ADGRF5: variants seen among roughly 807,000 people sequenced by gnomAD.
The protein encoded by ADGRF5 is G-protein coupled receptor 116.
In ADGRF5, 75 loss-of-function variants were observed where a neutral mutation model predicts 132.3. The observed-to-expected ratio is 0.57, with a 90% confidence interval of 0.47 to 0.69. The LOEUF is 0.69. ADGRF5 is among the 30% of genes least tolerant of loss of function. The pLI is 0.00. For synonymous variants in ADGRF5, 629 were observed against 597.6 expected, an observed-to-expected ratio of 1.05 and a Z score of -0.77; for missense variants, 1,516 against 1,630.6, an observed-to-expected ratio of 0.93 and a Z score of 1.21.
chr6:46,856,304 T>A (rs1769038517), intron 19 of ADGRF5, among the ~76,000 whole-genome samples: 1 of 152,238 alleles, frequency 6.6e-6, no homozygotes, highest in Non-Finnish European at 1.5e-5. Context: ...GTCAGATATA[T>A]CCAAGGGCAA....
At chr6:46,916,540 T>G (rs1051916830) in intron 1 of ADGRF5, among the ~76,000 whole-genome samples, 3 of 152,138 alleles carry the variant, frequency 2.0e-5, no homozygotes, top group African/African-American at 7.2e-5. Context: ...CTCACCACAC[T>G]TTTTTGGACA....
Position 46,858,789 on chromosome 6 carries a change from C to T in ADGRF5, c.3114G>A (p.Trp1038Ter), listed in dbSNP as rs758918856. Residue 1038 changes from tryptophan to a stop codon, truncating the protein, a stop_gained, in exon 17 of 21, where the codon TGG becomes TGA. Transcript: ENST00000283296. LOFTEE classifies it high-confidence loss of function. ...AAGTCCGGTTCTTGGTCACCGATTT[C>T]CACACCACAGCTTCCACAACTAGAC... ...AACLVVEAVV[W>*]KSVTKNRTSY... The T allele has an allele frequency of 6.2e-7, 1 of 1,614,132 alleles. No individual in the cohort carries two copies. Among genetic ancestry groups the T allele is most frequent in the East Asian group, 2.2e-5 (1 of 44,866 alleles).
intron 3 of ADGRF5, among the ~76,000 whole-genome samples, chr6:46,894,484 A>C (rs1381567632): frequency 2.0e-5 from 3 of 152,218 alleles, no homozygotes; most frequent in Non-Finnish European, 4.4e-5. Context: ...AAATCATCAA[A>C]GTTAGCCCCA....
chr6:46,896,650 T>C (rs1478914499), intron 3 of ADGRF5, among the ~76,000 whole-genome samples: 2 of 126,830 alleles, frequency 1.6e-5, no homozygotes, highest in African/African-American at 3.7e-5. Context: ...AAGTAATATG[T>C]GTGAGATATA....
At chr6:46,906,499 TCTC>T (rs962616086) in intron 2 of ADGRF5, among the ~76,000 whole-genome samples, 159 bp downstream of exon 2, 13 of 152,270 alleles carry the variant, frequency 8.5e-5, no homozygotes, top group African/African-American at 3.1e-4. Context: ...ATTCACCCCT[TCTC>T]CTCATTTGCA....
chr6:46,859,002 C>A lies in ADGRF5; in HGVS notation c.2901G>T (p.Gly967=), dbSNP rs577029319. ...WNFRLANNTG[G]WDSSGCYVEE... Reference sequence around the variant, plus strand: ...CTACATAGCACCCACTGCTGTCCCACCCCCCTGTGTTGTTGGCAAGCCTGA... The same window carrying A: ...CTACATAGCACCCACTGCTGTCCCAACCCCCTGTGTTGTTGGCAAGCCTGA... The change falls in exon 17 of 21, where the codon GGG becomes GGT. Residue 967 remains glycine, a synonymous_variant. Transcript: ENST00000283296. 3.7e-6 allele frequency: 6 copies of A among 1,612,062 alleles called. No individual in the cohort carries two copies. The South Asian group carries it at 5.5e-5, about 15-fold the overall frequency.
In ADGRF5 at chr6:46,858,964, C is replaced by G. The variant is rs781340908; in HGVS notation, c.2939G>C (p.Gly980Ala). 15 of 1,613,120 alleles carry G rather than the reference C, an allele frequency of 9.3e-6. No individual in the cohort carries two copies. The highest frequency in any genetic ancestry group is 1.3e-5 in the African/African-American group (1 of 74,884). The change falls in exon 17 of 21, where the codon GGG becomes GCG. Residue 980 changes from glycine (G) to alanine (A), a missense_variant. Transcript: ENST00000283296. ...GTCACAGATACAGGTGACATTGTCCCCATCACCTTCTTCTACATAGCACCC... is the reference window on the plus strand; with the variant it reads ...GTCACAGATACAGGTGACATTGTCCGCATCACCTTCTTCTACATAGCACCC... ...SSGCYVEEGDGDNVTCICDHL... is the reference protein window; with the variant it reads ...SSGCYVEEGDADNVTCICDHL...
chr6:46,926,638 C>A (rs1203435377), upstream of ADGRF5, among the ~76,000 whole-genome samples: 2 of 152,178 alleles, frequency 1.3e-5, no homozygotes, highest in African/African-American at 4.8e-5. Flanking sequence ...TTAGAGATGA[C>A]ATGCTGTCTA....
In ADGRF5 at chr6:46,870,905, G is replaced by A. The variant is rs1173925861; in HGVS notation, c.1411+938C>T. On this transcript the variant is annotated intron_variant, in intron 11 of 20. Coordinates refer to ENST00000283296, the MANE Select transcript of ADGRF5 (RefSeq NM_001098518.2). ...GTAGTGAGAACAGTTTTGATTATTTGAACATAACACAACTCTTTGTTAAAA... is the reference window on the plus strand; with the variant it reads ...GTAGTGAGAACAGTTTTGATTATTTAAACATAACACAACTCTTTGTTAAAA... 5 of 318,856 alleles carry A rather than the reference G, an allele frequency of 1.6e-5. No homozygotes were observed. The East Asian group carries it at 4.9e-4, about 31-fold the overall frequency. The allele number at this position is 318,856 out of a possible 1,614,324, so 19.8% of individuals were successfully genotyped here. A position where few individuals can be genotyped will look rare whatever the true frequency, so the allele number is the denominator to read the frequency against.
intron 2 of ADGRF5, among the ~76,000 whole-genome samples, chr6:46,904,181 A>G (rs186222945): frequency 6.6e-6 from 1 of 152,234 alleles, no homozygotes; most frequent in Non-Finnish European, 1.5e-5. Flanking sequence ...CCATGCTTAC[A>G]TGAAAGCTTG....
At chr6:46,879,081 T>C (rs113030675) in intron 9 of ADGRF5, among the ~76,000 whole-genome samples, 16 of 152,234 alleles carry the variant, frequency 1.1e-4, no homozygotes, top group Admixed American at 2.0e-4. Flanking sequence ...GTGTCAAGAC[T>C]TTTTAAATAT....
At chr6:46,911,552 T>C (rs1014978479) in intron 1 of ADGRF5, among the ~76,000 whole-genome samples, 2 of 152,214 alleles carry the variant, frequency 1.3e-5, no homozygotes, top group African/African-American at 2.4e-5. Context: ...CATCCTTCAA[T>C]GCCCAGGCAA....
chr6:46,855,273 T>TGATG (rs1428936960), intron 20 of ADGRF5, among the ~76,000 whole-genome samples: 1 of 152,224 alleles, frequency 6.6e-6, no homozygotes, highest in African/African-American at 2.4e-5. Context: ...CCACCACCAC[T>TGATG]ACCACTATCG....
chr6:46,885,055 T>C (rs1275113488), intron 4 of ADGRF5, among the ~76,000 whole-genome samples: 1 of 151,796 alleles, frequency 6.6e-6, no homozygotes, highest in Non-Finnish European at 1.5e-5. Context: ...ACAAAAACAT[T>C]AGCTGGGCAT....
At chr6:46,925,771 T>A (rs1777216536), upstream of ADGRF5, among the ~76,000 whole-genome samples, 1 of 152,150 alleles carries the variant, frequency 6.6e-6, no homozygotes, top group Non-Finnish European at 1.5e-5. Flanking sequence ...CTTAACTGAC[T>A]CATTGCAGAG....
chr6:46,939,369 G>A (rs1777970686), intron 1 of ADGRF5, among the ~76,000 whole-genome samples: 1 of 152,140 alleles, frequency 6.6e-6, no homozygotes, highest in Admixed American at 6.5e-5. Flanking sequence ...GAGGGGCACA[G>A]GAAACAGGAG....
At chr6:46,875,761 A>C (rs1482527612) in intron 10 of ADGRF5, among the ~76,000 whole-genome samples, 1 of 152,134 alleles carries the variant, frequency 6.6e-6, no homozygotes, top group African/African-American at 2.4e-5. Flanking sequence ...TGGGTGACAA[A>C]AGCAAGACTC....
chr6:46,883,407 GC>G (rs1192045136), intron 6 of ADGRF5, 151 bp downstream of exon 6: 208 of 613,182 alleles, frequency 3.4e-4, no homozygotes, highest in Middle Eastern at 2.2e-3. Context: ...TTTGATTTGA[GC>G]ACATATTAAT....
chr6:46,940,698 C>T (rs796837141), intron 1 of ADGRF5, among the ~76,000 whole-genome samples: 5 of 152,272 alleles, frequency 3.3e-5, no homozygotes, highest in African/African-American at 1.2e-4. Context: ...TGACTTCCTG[C>T]TTTGCAAAGA....
Sources: gnomAD v4.1 joint callset for allele counts (sites outside exome capture counted in the v4.1 genomes callset) on GRCh38, gnomAD v4.1.1 for gene constraint, MANE v1.5 for transcripts, NCBI Gene and HGNC (gene_info 2026-07-23, HGNC 2026-07-21) for gene names.